The following DNAH9 variants were observed in gnomAD, a reference collection of about 807,000 sequenced individuals.
The protein encoded by DNAH9 is dynein axonemal heavy chain 9.
In DNAH9, 345 loss-of-function variants were observed where a neutral mutation model predicts 471.6. The ratio of observed to expected loss-of-function variants is 0.73; its 90% CI spans 0.67 to 0.80. The LOEUF (loss-of-function observed/expected upper bound fraction) is 0.80, where lower values mean the gene tolerates loss of function less well. Among genes scored for constraint, DNAH9 ranks in the 30% least tolerant of loss-of-function variants. The pLI is 0.00. For synonymous variants in DNAH9, 2,093 were observed against 2,123.6 expected (o/e 0.99, Z 0.40); for missense variants, 5,407 against 5,609.2 (o/e 0.96, Z 1.15).
intron 4 of DNAH9, among the ~76,000 whole-genome samples, chr17:11,615,656 A>G (rs2072726793): frequency 6.6e-6 from 1 of 152,072 alleles, no homozygotes; most frequent in Non-Finnish European, 1.5e-5. Flanking sequence ...TTGTCATCCA[A>G]GGGTATTGCA....
chr17:11,607,642 T>C (rs2072537951), intron 1 of DNAH9, among the ~76,000 whole-genome samples: 1 of 152,176 alleles, frequency 6.6e-6, no homozygotes, highest in African/African-American at 2.4e-5. Context: ...TGATCTCGAC[T>C]CACTGCAACC....
chr17:11,701,310 C>T, intron 24 of DNAH9, 63 bp downstream of exon 24: 2 of 1,551,524 alleles, frequency 1.3e-6, no homozygotes, highest in Non-Finnish European at 1.8e-6. Flanking sequence ...CAGCCTCCCC[C>T]AGCCTTCAGC....
chr17:11,685,480 C>A (rs1051828815), intron 19 of DNAH9, among the ~76,000 whole-genome samples: 1 of 152,132 alleles, frequency 6.6e-6, no homozygotes, highest in Non-Finnish European at 1.5e-5. Flanking sequence ...CTCATGGCTG[C>A]AGAGAACAGA....
chr17:11,930,641 T>G (rs946334490), intron 63 of DNAH9, among the ~76,000 whole-genome samples: 3 of 152,026 alleles, frequency 2.0e-5, no homozygotes, highest in Admixed American at 6.6e-5. Context: ...CAGATTTTTC[T>G]GTCGTCCCAG....
Position 11,854,390 on chromosome 17 carries a change from G to A in DNAH9, c.9895G>A (p.Ala3299Thr). The change falls in exon 50 of 69, where the codon GCC (alanine) becomes ACC (threonine). Residue 3299 changes from alanine to threonine, a missense_variant. Transcript: ENST00000262442. ...CAAAGCCACCGCGGACCTCACAGCT[G>A]CCCAGGAGAAGCTGGCTGCCATCAA... is the stretch of plus-strand genomic sequence containing the variant. ...LNKATADLTA[A>T]QEKLAAIKAK... 6.2e-7 allele frequency: 1 copy of A among 1,613,550 alleles called. No individual in the cohort carries two copies. Among genetic ancestry groups the A allele is most frequent in the South Asian group, 1.1e-5 (1 of 91,072 alleles).
chr17:11,748,876 G>C (rs906470079), intron 32 of DNAH9, among the ~76,000 whole-genome samples: 5 of 152,034 alleles, frequency 3.3e-5, no homozygotes, highest in Non-Finnish European at 7.4e-5. Context: ...GACCACATCC[G>C]GGTCAAACTC....
chr17:11,689,528 C>T (rs375532114), intron 19 of DNAH9, 38 bp from the exon 20 acceptor site: 362 of 1,556,400 alleles, frequency 2.3e-4, no homozygotes, highest in Non-Finnish European at 2.9e-4. Context: ...TGGGCCCCTG[C>T]GTGCCATACT....
chr17:11,693,506 G>A (rs988232111), intron 20 of DNAH9, among the ~76,000 whole-genome samples: 3 of 151,718 alleles, frequency 2.0e-5, no homozygotes, highest in African/African-American at 7.3e-5. Flanking sequence ...CCATCCGCCC[G>A]CGTCAGCCTC....
intron 14 of DNAH9, among the ~76,000 whole-genome samples, chr17:11,659,899 G>T (rs1009852353): frequency 2.0e-5 from 3 of 152,276 alleles, no homozygotes; most frequent in Middle Eastern, 3.4e-3. Flanking sequence ...CCACGACCTG[G>T]TGTTTGGTCT....
intron 67 of DNAH9, among the ~76,000 whole-genome samples, chr17:11,947,920 A>C (rs1975197468): frequency 6.7e-6 from 1 of 150,330 alleles, no homozygotes; most frequent in South Asian, 2.1e-4. Flanking sequence ...TCCCGCCAGC[A>C]CGCCCAGCTA....
chr17:11,843,863 G>GTATATATATATATATATATATATA (rs61067153), intron 49 of DNAH9, among the ~76,000 whole-genome samples: 1 of 46,466 alleles, frequency 2.2e-5, no homozygotes, highest in Non-Finnish European at 4.1e-5. Flanking sequence ...GTGTGTGTGT[G>GTATATATATATATATATATATATA]TATATATATA....
Position 11,619,793 on chromosome 17 carries a change from C to T in DNAH9, c.1350+12C>T. 1 of 1,499,954 alleles carries T rather than the reference C, an allele frequency of 6.7e-7. No individual in the cohort carries two copies. Among genetic ancestry groups the T allele is most frequent in the Non-Finnish European group, 9.3e-7 (1 of 1,076,144 alleles). 92.9% of individuals were successfully genotyped at this position (1,499,954 alleles called of 1,614,324 possible). Reference sequence around the variant, plus strand: ...TGCACGTGGTGGAGGTGAGTGCGCACCTCACCTCAGGCTGCCAGCCCCAGA... The same window carrying T: ...TGCACGTGGTGGAGGTGAGTGCGCATCTCACCTCAGGCTGCCAGCCCCAGA... On this transcript the variant is annotated intron_variant, in intron 6 of 68. Coordinates refer to ENST00000262442, the MANE Select transcript of DNAH9 (RefSeq NM_001372.4).
At chr17:11,785,852 G>A (rs1316076905) in intron 41 of DNAH9, among the ~76,000 whole-genome samples, 2 of 152,206 alleles carry the variant, frequency 1.3e-5, no homozygotes, top group Non-Finnish European at 2.9e-5. Flanking sequence ...AATTTCCAAT[G>A]AGGAAAATAA....
At chr17:11,847,198 A>G (rs2150964252) in intron 49 of DNAH9, among the ~76,000 whole-genome samples, 1 of 152,220 alleles carries the variant, frequency 6.6e-6, no homozygotes, top group South Asian at 2.1e-4. Context: ...GCTGTGCAGA[A>G]GCTCTTTAGT....
At chr17:11,814,250 T>A (rs62063198) in intron 45 of DNAH9, among the ~76,000 whole-genome samples, 49,232 of 152,098 alleles carry the variant, frequency 0.32, 9,730 homozygotes, top group Non-Finnish European at 0.45. Flanking sequence ...ATCAGAATTA[T>A]TCCCTGGCTT....
chr17:11,698,171 T>TAAAA (rs1555568204), intron 22 of DNAH9, among the ~76,000 whole-genome samples: 2 of 8,706 alleles, frequency 2.3e-4, no homozygotes, highest in African/African-American at 3.3e-4. Flanking sequence ...TATTATTATA[T>TAAAA]TAATATATTA....
rs1321345591 is a variant in DNAH9, at chr17:11,679,873, A to G, written c.3470A>G (p.Glu1157Gly). 5.6e-6 allele frequency: 9 copies of G among 1,614,050 alleles called. No individual in the cohort carries two copies. Among genetic ancestry groups the G allele is most frequent in the Non-Finnish European group, 7.6e-6 (9 of 1,180,018 alleles). ...ATGGGACACCTTATGGCTGTTAAAG[A>G]ACGGCAGAGTAACACTGATGAGATG... ...EIMGHLMAVK[E>G]RQSNTDEMFE... Residue 1157 changes from glutamate (E) to glycine (G), a missense_variant, in exon 18 of 69, where the codon GAA becomes GGA. Physicochemically the swap from Glu to Gly is moderately conservative, Grantham distance 98. Around this residue, in one of 3 missense-constraint regions of DNAH9, gnomAD observed 4,636 missense variants for 4,900.3 expected, o/e 0.95. Transcript: ENST00000262442.
At chr17:11,781,291 G>A in intron 39 of DNAH9, 117 bp downstream of exon 39, 1 of 1,111,620 alleles carries the variant, frequency 9.0e-7, no homozygotes, top group Non-Finnish European at 1.2e-6. Context: ...TGCCAGATGG[G>A]AATCTTTGTG....
At chr17:11,955,975 C>A (rs770665663) in intron 67 of DNAH9, among the ~76,000 whole-genome samples, 1 of 152,136 alleles carries the variant, frequency 6.6e-6, no homozygotes, top group Non-Finnish European at 1.5e-5. Flanking sequence ...TTCTATTAAC[C>A]GTTAACGAGG....
Sources: allele counts gnomAD v4.1 joint callset (sites outside exome capture counted in the v4.1 genomes callset), GRCh38; gene constraint gnomAD v4.1.1; regional missense constraint gnomAD v4.1.1; transcripts MANE v1.5; gene names NCBI Gene and HGNC (gene_info 2026-07-23, HGNC 2026-07-21).